Variants in NCOA6 observed in about 807,000 individuals in gnomAD.
NCOA6 encodes the protein nuclear receptor coactivator 6, also known as NRC RAP250.
Under a neutral mutation model 171.4 loss-of-function variants are expected in NCOA6, and 49 were observed. The observed-to-expected ratio is 0.29, with a 90% CI of 0.23 to 0.36. The LOEUF (loss-of-function observed/expected upper bound fraction) is 0.36, where lower values mean the gene tolerates loss of function less well. NCOA6 is among the 10% of genes least tolerant of loss of function. NCOA6 has a pLI of 1.00. For synonymous variants in NCOA6, 910 were observed against 927.5 expected, an observed-to-expected ratio of 0.98 and a Z score of 0.34; for missense variants, 2,248 against 2,554.5, an observed-to-expected ratio of 0.88 and a Z score of 2.59.
intron 1 of NCOA6, chr20:34,809,497 G>A (rs913225370): frequency 2.5e-6 from 1 of 398,258 alleles, no homozygotes; most frequent in Non-Finnish European, 4.4e-6. Flanking sequence ...TTAGTCAGTG[G>A]GACCCCTCTC....
chr20:34,735,071 T>C (rs189057135), intron 12 of NCOA6, among the ~76,000 whole-genome samples: 1 of 152,292 alleles, frequency 6.6e-6, no homozygotes, highest in East Asian at 1.9e-4. Flanking sequence ...TGAGGGATGT[T>C]AAGGATAAGG....
chr20:34,724,432 G>A (rs1453781524), intron 14 of NCOA6, among the ~76,000 whole-genome samples: 1 of 152,190 alleles, frequency 6.6e-6, no homozygotes, highest in Non-Finnish European at 1.5e-5. Context: ...AGTGTCTAGT[G>A]TGGGTGCACC....
chr20:34,719,532 G>A (rs1483358189), intron 14 of NCOA6, among the ~76,000 whole-genome samples: 5 of 152,002 alleles, frequency 3.3e-5, no homozygotes, highest in African/African-American at 2.4e-5. Context: ...TCGGGAGGCT[G>A]AGCCAGGAGA....
chr20:34,770,717 G>A (rs565386600), intron 4 of NCOA6, among the ~76,000 whole-genome samples: 1 of 151,110 alleles, frequency 6.6e-6, no homozygotes, highest in African/African-American at 2.4e-5. Flanking sequence ...TGTAACGTCT[G>A]CCTCCGGGTT....
At chr20:34,728,158 T>C (rs1990192679) in intron 13 of NCOA6, among the ~76,000 whole-genome samples, 1 of 152,116 alleles carries the variant, frequency 6.6e-6, no homozygotes, top group South Asian at 2.1e-4. Context: ...TATATAAACC[T>C]AGGAAATTAT....
At chr20:34,791,442 T>G (rs946832990) in intron 2 of NCOA6, among the ~76,000 whole-genome samples, 1 of 152,180 alleles carries the variant, frequency 6.6e-6, no homozygotes, top group Non-Finnish European at 1.5e-5. Context: ...TCTACAGTGC[T>G]TGCTTCCTTC....
At chr20:34,770,222 T>C (rs1192688636) in intron 4 of NCOA6, among the ~76,000 whole-genome samples, 1 of 152,120 alleles carries the variant, frequency 6.6e-6, no homozygotes, top group African/African-American at 2.4e-5. Context: ...GTATTTTTAG[T>C]AGAGACGGGG....
chr20:34,799,396 G>A (rs1214342469), intron 1 of NCOA6, among the ~76,000 whole-genome samples: 4 of 152,200 alleles, frequency 2.6e-5, no homozygotes, highest in Non-Finnish European at 5.9e-5. Context: ...GAGGTAGAGT[G>A]AAAGAGAGGG....
Position 34,749,623 on chromosome 20 carries a change from T to C in NCOA6, c.2572A>G (p.Ser858Gly). The change falls in exon 9 of 15, where the codon AGT (serine) becomes GGT (glycine). Residue 858 changes from serine to glycine, a missense_variant. Physicochemically the swap from Ser to Gly is moderately conservative, Grantham distance 56. Around this residue, in one of 7 missense-constraint regions of NCOA6, gnomAD observed 987 missense variants for 1,104.7 expected, o/e 0.89. Transcript: ENST00000359003. ...GHGMSFNAPF[S>G]GAPNGNQMSC... ...ATCTGATTTCCATTGGGAGCTCCACTGAAAGGTGCATTGAAAGACATCCCA... is the reference window on the plus strand; with the variant it reads ...ATCTGATTTCCATTGGGAGCTCCACCGAAAGGTGCATTGAAAGACATCCCA... 4 of 1,614,206 alleles carry C rather than the reference T, an allele frequency of 2.5e-6. No homozygotes were observed. Among genetic ancestry groups the C allele is most frequent in the Non-Finnish European group, 3.4e-6 (4 of 1,180,040 alleles).
At chr20:34,818,239 T>C (rs1021927390) in intron 1 of NCOA6, among the ~76,000 whole-genome samples, 1 of 152,146 alleles carries the variant, frequency 6.6e-6, no homozygotes, top group Non-Finnish European at 1.5e-5. Context: ...CCTATAATCC[T>C]AGCAATTTGG....
chr20:34,808,742 C>A (rs1355529962), intron 1 of NCOA6, among the ~76,000 whole-genome samples: 1 of 152,078 alleles, frequency 6.6e-6, no homozygotes, highest in Non-Finnish European at 1.5e-5. Context: ...CCAGCCTTGT[C>A]TGCACTTTAG....
At chr20:34,810,006 T>C (rs1388170321) in intron 1 of NCOA6, among the ~76,000 whole-genome samples, 1 of 152,152 alleles carries the variant, frequency 6.6e-6, no homozygotes, top group Non-Finnish European at 1.5e-5. Flanking sequence ...CTATCTACAA[T>C]TTCTAGTCCA....
At chr20:34,808,895 G>T (rs1186126341) in intron 1 of NCOA6, among the ~76,000 whole-genome samples, 1 of 152,148 alleles carries the variant, frequency 6.6e-6, no homozygotes, top group African/African-American at 2.4e-5. Context: ...GACAGGTTTG[G>T]GAAATCACTG....
At position 34,736,836 on chromosome 20, in the gene NCOA6, C is replaced by T. The variant is rs74412128; in HGVS notation, c.5894-78G>A. ...AAGAAAGCATTAACCTAATCAAGGG[C>T]TAAGTAACTGCTGAAACAATGTACT... On this transcript the variant is annotated intron_variant, in intron 11 of 14. Coordinates refer to ENST00000359003, the MANE Select transcript of NCOA6 (RefSeq NM_014071.5). 7,555 of 1,253,714 alleles carry T rather than the reference C, an allele frequency of 6.0e-3. 381 individuals are homozygous for T. In the African/African-American group the frequency reaches 0.1, roughly 17 times the overall value. 77.7% of individuals were successfully genotyped at this position (1,253,714 alleles called of 1,614,324 possible).
At chr20:34,786,133 G>A (rs948455419) in intron 2 of NCOA6, among the ~76,000 whole-genome samples, 2 of 152,164 alleles carry the variant, frequency 1.3e-5, no homozygotes, top group African/African-American at 2.4e-5. Flanking sequence ...TGTACATAGA[G>A]GTGTTTATAG....
intron 4 of NCOA6, among the ~76,000 whole-genome samples, chr20:34,773,662 T>A (rs1208558565): frequency 1.3e-5 from 2 of 152,212 alleles, no homozygotes; most frequent in Non-Finnish European, 2.9e-5. Context: ...TAGCTGGGAC[T>A]ATAGGCACGC....
intron 1 of NCOA6, among the ~76,000 whole-genome samples, chr20:34,795,375 C>T (rs1255926881): frequency 6.6e-6 from 1 of 152,162 alleles, no homozygotes. Context: ...TCATTTATGC[C>T]TCTTGATGTG....
rs2076733832 is a variant in NCOA6, at chr20:34,758,930, A to C, written c.518T>G (p.Ile173Arg). The change falls in exon 6 of 15, where the codon ATA (isoleucine) becomes AGA (arginine). Residue 173 changes from isoleucine (I) to arginine (R), a missense_variant. Ile to Arg is a moderately conservative substitution (Grantham distance 97). Around this residue, in one of 7 missense-constraint regions of NCOA6, gnomAD observed 987 missense variants for 1,104.7 expected, o/e 0.89. Coordinates refer to ENST00000359003, the MANE Select transcript of NCOA6 (RefSeq NM_014071.5). ...AGFPMASGPG[I>R]IRMNNPATVM... ...AGTGGCAGGGTTGTTCATCCTTATT[A>C]TTCCTAGAAAAAAGATCCCTAAAAT... 1 of 1,613,344 alleles carries C rather than the reference A, an allele frequency of 6.2e-7. No individual in the cohort carries two copies. The highest frequency in any genetic ancestry group is 1.7e-5 in the Admixed American group (1 of 59,908).
At chr20:34,720,422 A>C (rs776287773) in intron 14 of NCOA6, among the ~76,000 whole-genome samples, 16 of 152,250 alleles carry the variant, frequency 1.1e-4, no homozygotes, top group Admixed American at 2.0e-4. Context: ...CCCAGAAATC[A>C]TCCATCCCAC....
Sources: gnomAD v4.1 joint callset for allele counts (sites outside exome capture counted in the v4.1 genomes callset) on GRCh38, gnomAD v4.1.1 for gene constraint, gnomAD v4.1.1 regional missense constraint, MANE v1.5 for transcripts, NCBI Gene and HGNC (gene_info 2026-07-23, HGNC 2026-07-21) for gene names.